Variants in CACNA1D observed in about 807,000 individuals in gnomAD.
CACNA1D encodes calcium voltage-gated channel subunit alpha1 D.
In CACNA1D, 55 loss-of-function variants were observed where a neutral mutation model predicts 257.1. The ratio of observed to expected loss-of-function variants is 0.21; its 90% CI spans 0.17 to 0.27. The LOEUF is 0.27. CACNA1D is among the 10% of genes least tolerant of loss of function. The pLI, the probability that CACNA1D is intolerant of heterozygous loss-of-function variation, is 1.00. For synonymous variants in CACNA1D, 980 were observed against 1,014.9 expected (o/e 0.97, Z 0.65); for missense variants, 1,876 against 2,784.0 (o/e 0.67, Z 7.34).
At chr3:53,776,807 A>G (rs2095400432) in intron 36 of CACNA1D, 53 bp from the exon 37 acceptor site, 2 of 1,613,166 alleles carry the variant, frequency 1.2e-6, no homozygotes, top group Non-Finnish European at 1.7e-6. Context: ...GTGGACTGAA[A>G]GTTCGGGCCA....
At chr3:53,749,133 C>A (rs761632405) in intron 26 of CACNA1D, 135 bp from the exon 27 acceptor site, 2 of 719,646 alleles carry the variant, frequency 2.8e-6, no homozygotes, top group South Asian at 1.5e-5. Flanking sequence ...CTGGTTGTGT[C>A]CAGCAGCCTT....
At chr3:53,587,586 G>A (rs1018257768) in intron 3 of CACNA1D, among the ~76,000 whole-genome samples, 1 of 152,168 alleles carries the variant, frequency 6.6e-6, no homozygotes, top group Non-Finnish European at 1.5e-5. Flanking sequence ...AGAGAAGTGG[G>A]CTGGAGGTGC....
chr3:53,660,086 C>T, intron 4 of CACNA1D, 47 bp from the exon 5 acceptor site: 1 of 1,569,904 alleles, frequency 6.4e-7, no homozygotes, highest in Non-Finnish European at 8.8e-7. Context: ...GTTTTGCGTC[C>T]CTGGGGTAAC....
chr3:53,517,559 C>T (rs2091391641), intron 3 of CACNA1D, among the ~76,000 whole-genome samples: 1 of 151,790 alleles, frequency 6.6e-6, no homozygotes, highest in South Asian at 2.1e-4. Flanking sequence ...TCTTGGCTCA[C>T]TGCAACCTCT....
At chr3:53,564,038 G>A (rs951852688) in intron 3 of CACNA1D, among the ~76,000 whole-genome samples, 1 of 152,172 alleles carries the variant, frequency 6.6e-6, no homozygotes, top group Non-Finnish European at 1.5e-5. Context: ...GTTCTAAAAT[G>A]ATATATCATT....
chr3:53,807,243 G>A (rs377415426), intron 45 of CACNA1D, among the ~76,000 whole-genome samples: 3 of 152,250 alleles, frequency 2.0e-5, no homozygotes, highest in Non-Finnish European at 2.9e-5. Context: ...CCGGCCATTC[G>A]ATCTGGAAAC....
chr3:53,586,318 G>GTT (rs1298879132), intron 3 of CACNA1D, among the ~76,000 whole-genome samples: 1 of 149,854 alleles, frequency 6.7e-6, no homozygotes. Context: ...GTGTGTGTGT[G>GTT]TGCATTCCTC....
In CACNA1D at chr3:53,525,758, G is replaced by T. The variant is rs369204676; in HGVS notation, c.483+24038G>T. On this transcript the variant is annotated intron_variant, in intron 3 of 47. Transcript: ENST00000350061. ...CTGACCTCAAGAAGCTCACAGTTCA[G>T]TTGGGGATAGATGGCCTTGAGCTTG... is the stretch of plus-strand genomic sequence containing the variant. Among the ~76,000 whole-genome samples, 5 of 152,168 alleles carry T rather than the reference G, an allele frequency of 3.3e-5. No homozygotes were observed. The South Asian group carries it at 1.0e-3, about 32-fold the overall frequency.
intron 7 of CACNA1D, among the ~76,000 whole-genome samples, chr3:53,670,590 C>A (rs1307450635): frequency 6.6e-6 from 1 of 152,214 alleles, no homozygotes; most frequent in Non-Finnish European, 1.5e-5. Flanking sequence ...GGTGATCCAC[C>A]TGCCTTGGCC....
In CACNA1D at chr3:53,673,599, C is replaced by A. The variant is rs1314702814; in HGVS notation, c.1220+473C>A. The A allele has an allele frequency of 2.5e-6, 2 of 812,442 alleles. No individual in the cohort carries two copies. Among genetic ancestry groups the A allele is most frequent in the African/African-American group, 1.7e-5 (1 of 59,486 alleles). The allele number at this position is 812,442 out of a possible 1,614,324, so 50.3% of individuals were successfully genotyped here. A position where few individuals can be genotyped will look rare whatever the true frequency, so the allele number is the denominator to read the frequency against. On this transcript the variant is annotated intron_variant, in intron 8 of 47. Coordinates refer to ENST00000350061, the MANE Select transcript of CACNA1D (RefSeq NM_001128840.3). This position sits in a 1 kb window ranked among gnomAD's most constrained non-coding sequence, Gnocchi z 4.1. Reference sequence around the variant, plus strand: ...AAAAGGGAAGGACCTAGGCCCAGTCCCTGTCCTAGGAGCACTAACCTTCAG... The same window carrying A: ...AAAAGGGAAGGACCTAGGCCCAGTCACTGTCCTAGGAGCACTAACCTTCAG...
At chr3:53,712,047 A>G (rs772022438) in intron 9 of CACNA1D, among the ~76,000 whole-genome samples, 4 of 152,238 alleles carry the variant, frequency 2.6e-5, no homozygotes, top group Non-Finnish European at 5.9e-5. Context: ...AAACATCTTT[A>G]AAGACTGACA....
At chr3:53,524,009 C>T (rs1481343374) in intron 3 of CACNA1D, among the ~76,000 whole-genome samples, 1 of 152,184 alleles carries the variant, frequency 6.6e-6, no homozygotes, top group Non-Finnish European at 1.5e-5. Flanking sequence ...TAGGAGAACT[C>T]CCTTTTGCTG....
rs79933806 is a variant in CACNA1D at position 53,753,831 on chromosome 3, G to A, written c.3786+149G>A. On this transcript the variant is annotated intron_variant, in intron 29 of 47. Coordinates refer to ENST00000350061, the MANE Select transcript of CACNA1D (RefSeq NM_001128840.3). ...CTGAGAACATTAAAATCTGATTAGA[G>A]CATGTGTGTATATATGGGAAAATGA... 2.0e-3 allele frequency: 1,372 copies of A among 686,476 alleles called. 10 individuals are homozygous for A. In the African/African-American group the frequency reaches 0.021, roughly 10 times the overall value. 42.5% of individuals were successfully genotyped at this position (686,476 alleles called of 1,614,324 possible). A position where few individuals can be genotyped will look rare whatever the true frequency, so the allele number is the denominator to read the frequency against.
At chr3:53,781,991 A>G (rs558018092) in intron 39 of CACNA1D, 87 of 296,828 alleles carry the variant, frequency 2.9e-4, no homozygotes, top group African/African-American at 1.8e-3. Flanking sequence ...GTCCAAAATG[A>G]AATATTCAAA....
intron 40 of CACNA1D, among the ~76,000 whole-genome samples, chr3:53,799,166 A>C (rs1465088806): frequency 6.6e-6 from 1 of 152,222 alleles, no homozygotes; most frequent in African/African-American, 2.4e-5. Flanking sequence ...CCGTAGACCC[A>C]GGGCAGAGAG....
chr3:53,757,412 C>T (rs1422996575), intron 29 of CACNA1D, among the ~76,000 whole-genome samples: 1 of 152,198 alleles, frequency 6.6e-6, no homozygotes, highest in Non-Finnish European at 1.5e-5. Context: ...TGCATACATG[C>T]CAGAGCGTCA....
At chr3:53,528,295 C>T (rs2091833861) in intron 3 of CACNA1D, among the ~76,000 whole-genome samples, 1 of 152,150 alleles carries the variant, frequency 6.6e-6, no homozygotes, top group Non-Finnish European at 1.5e-5. Flanking sequence ...CTTTCCTGTC[C>T]TCATTTAATT....
intron 30 of CACNA1D, among the ~76,000 whole-genome samples, chr3:53,769,143 C>G (rs3774582): frequency 6.6e-6 from 1 of 152,206 alleles, no homozygotes; most frequent in Non-Finnish European, 1.5e-5. Flanking sequence ...ATGCTGGGCA[C>G]GGAGTGGAGT....
chr3:53,617,264 A>G (rs898414), intron 3 of CACNA1D, among the ~76,000 whole-genome samples: 4,827 of 152,046 alleles, frequency 0.032, 237 homozygotes, highest in African/African-American at 0.096. Context: ...GTCTCCCCCA[A>G]TTCTCTCCAA....
Sources: allele counts gnomAD v4.1 joint callset (sites outside exome capture counted in the v4.1 genomes callset), GRCh38; gene constraint gnomAD v4.1.1; non-coding constraint Gnocchi (gnomAD v3.1); transcripts MANE v1.5; gene names NCBI Gene and HGNC (gene_info 2026-07-23, HGNC 2026-07-21).